The following SLC44A5 variants were observed in gnomAD, a reference collection of about 807,000 sequenced individuals.
The protein encoded by SLC44A5 is solute carrier family 44 member 5, also known as choline transporter-like protein 5.
A neutral mutation model predicts 101.8 loss-of-function variants in SLC44A5; 57 were observed. That is an observed-to-expected ratio of 0.56 (90% CI 0.45 to 0.70). The LOEUF is 0.70. Ranked by LOEUF, SLC44A5 falls within the 30% of genes least tolerant of loss-of-function variation. The probability of loss-of-function intolerance (pLI) is 0.00; values close to 1 mark genes in which losing one functional copy is unlikely to be tolerated. For missense variants in SLC44A5, 737 were observed against 853.1 expected (o/e 0.86, Z 1.70); for synonymous variants, 281 against 290.9 (o/e 0.97, Z 0.35).
the SLC44A5 span, among the ~76,000 whole-genome samples, chr1:75,719,080 T>C: frequency 1.3e-5 from 2 of 152,112 alleles, no homozygotes; most frequent in African/African-American, 4.8e-5. Flanking sequence ...GGAATTGAAG[T>C]TGACTGCAGA....
At chr1:75,440,531 T>C (rs1309255312) in intron 2 of SLC44A5, among the ~76,000 whole-genome samples, 1 of 152,036 alleles carries the variant, frequency 6.6e-6, no homozygotes, top group African/African-American at 2.4e-5. Context: ...TCCAGGTGAC[T>C]ACGAAGATTT....
At chr1:75,498,359 T>C in intron 2 of SLC44A5, among the ~76,000 whole-genome samples, 1 of 152,158 alleles carries the variant, frequency 6.6e-6, no homozygotes, top group South Asian at 2.1e-4. Context: ...TAAACCTTCA[T>C]AACAAAACTA....
the SLC44A5 span, among the ~76,000 whole-genome samples, chr1:75,651,852 C>T: frequency 7.9e-5 from 12 of 152,058 alleles, no homozygotes; most frequent in Non-Finnish European, 1.2e-4. Context: ...CACACGCACA[C>T]GTGGAACGTC....
chr1:75,334,040 T>G (rs1249781918), intron 4 of SLC44A5, among the ~76,000 whole-genome samples: 1 of 152,200 alleles, frequency 6.6e-6, no homozygotes, highest in Non-Finnish European at 1.5e-5. Context: ...AACTCTTACC[T>G]GCCATCTGCC....
intron 4 of SLC44A5, among the ~76,000 whole-genome samples, chr1:75,303,813 T>C (rs941457844): frequency 1.3e-4 from 20 of 152,078 alleles, no homozygotes; most frequent in Non-Finnish European, 2.9e-4. Flanking sequence ...TAAAGTCTGC[T>C]GGGAGAGGGG....
chr1:75,274,751 A>T (rs1243655873), intron 6 of SLC44A5, among the ~76,000 whole-genome samples: 2 of 152,218 alleles, frequency 1.3e-5, no homozygotes, highest in Non-Finnish European at 2.9e-5. Context: ...ATTCTAATAA[A>T]ATGCTGCATA....
chr1:75,260,247 T>G (rs1650375753), intron 6 of SLC44A5, among the ~76,000 whole-genome samples: 1 of 152,056 alleles, frequency 6.6e-6, no homozygotes, highest in Admixed American at 6.5e-5. Context: ...GGATAAAAAG[T>G]CAACACCCAT....
intron 4 of SLC44A5, among the ~76,000 whole-genome samples, chr1:75,311,143 GTC>G (rs1261306475): frequency 6.7e-5 from 10 of 149,454 alleles, no homozygotes; most frequent in African/African-American, 1.2e-4. Flanking sequence ...TTGAGATGGA[GTC>G]TCTCTCTGTC....
At chr1:75,682,827 A>C in the SLC44A5 span, among the ~76,000 whole-genome samples, 5 of 152,160 alleles carry the variant, frequency 3.3e-5, no homozygotes, top group African/African-American at 7.2e-5. Context: ...CAACCTACAA[A>C]ATGGGAGAAA....
At chr1:75,475,068 T>C (rs1314913126) in intron 2 of SLC44A5, among the ~76,000 whole-genome samples, 1 of 152,222 alleles carries the variant, frequency 6.6e-6, no homozygotes, top group African/African-American at 2.4e-5. Flanking sequence ...ATGAGGAGCC[T>C]GAATTCCATG....
At chr1:75,464,551 T>C (rs1240610481) in intron 2 of SLC44A5, among the ~76,000 whole-genome samples, 2 of 152,138 alleles carry the variant, frequency 1.3e-5, no homozygotes, top group East Asian at 3.9e-4. Context: ...TCCTTATTTA[T>C]TAATAATAAC....
chr1:75,501,476 A>G (rs191138450), intron 2 of SLC44A5, among the ~76,000 whole-genome samples: 2 of 152,226 alleles, frequency 1.3e-5, no homozygotes, highest in African/African-American at 4.8e-5. Flanking sequence ...TACTTTTTCA[A>G]GGTAATCTCA....
intron 2 of SLC44A5, among the ~76,000 whole-genome samples, chr1:75,423,024 AG>A (rs1664104157): frequency 6.6e-6 from 1 of 152,140 alleles, no homozygotes; most frequent in African/African-American, 2.4e-5. Flanking sequence ...AAAATTCCCA[AG>A]GCTTAAGCTA....
At chr1:75,542,506 C>G (rs1386199262) in intron 1 of SLC44A5, among the ~76,000 whole-genome samples, 1 of 152,032 alleles carries the variant, frequency 6.6e-6, no homozygotes, top group African/African-American at 2.4e-5. Context: ...TAAAAACTCT[C>G]ATCAACATGT....
the SLC44A5 span, among the ~76,000 whole-genome samples, chr1:75,625,131 C>T: frequency 2.0e-5 from 3 of 152,212 alleles, no homozygotes; most frequent in African/African-American, 7.2e-5. Flanking sequence ...CACACACACC[C>T]CTTAACTCCT....
At chr1:75,236,729 A>G (rs190518344) in intron 11 of SLC44A5, among the ~76,000 whole-genome samples, 24 of 152,180 alleles carry the variant, frequency 1.6e-4, no homozygotes, top group African/African-American at 4.1e-4. Context: ...ATATATTCAT[A>G]GGTACTTTTA....
chr1:75,608,678 T>A (rs760571931), intron 1 of SLC44A5, among the ~76,000 whole-genome samples: 5 of 151,940 alleles, frequency 3.3e-5, no homozygotes, highest in Non-Finnish European at 7.4e-5. Context: ...TTCCACTTGG[T>A]CTTCTTTCTG....
chr1:75,721,713 G>C, the SLC44A5 span, among the ~76,000 whole-genome samples: 2 of 152,132 alleles, frequency 1.3e-5, no homozygotes, highest in Non-Finnish European at 2.9e-5. Flanking sequence ...AATAAAATCG[G>C]ACAATCCAGC....
chr1:75,491,414 T>C (rs143632058), intron 2 of SLC44A5, among the ~76,000 whole-genome samples: 1 of 152,304 alleles, frequency 6.6e-6, no homozygotes, highest in African/African-American at 2.4e-5. Flanking sequence ...ATACATTTCC[T>C]TATTGTTTAA....
Sources: gnomAD v4.1 joint callset for allele counts (sites outside exome capture counted in the v4.1 genomes callset) on GRCh38, gnomAD v4.1.1 for gene constraint, MANE v1.5 for transcripts, NCBI Gene and HGNC (gene_info 2026-07-23, HGNC 2026-07-21) for gene names.